Variants in AUTS2 observed in about 807,000 individuals in gnomAD.
The protein encoded by AUTS2 is autism susceptibility gene 2 protein.
A neutral mutation model predicts 112.4 loss-of-function variants in AUTS2; 17 were observed. The ratio of observed to expected loss-of-function variants is 0.15; its 90% CI spans 0.10 to 0.23. The LOEUF is 0.23. Ranked by LOEUF, AUTS2 falls within the 10% of genes least tolerant of loss-of-function variation. The pLI, the probability that AUTS2 is intolerant of heterozygous loss-of-function variation, is 1.00. For synonymous variants in AUTS2, 751 were observed against 702.7 expected, an observed-to-expected ratio of 1.07 and a Z score of -1.09; for missense variants, 1,510 against 1,701.6, an observed-to-expected ratio of 0.89 and a Z score of 1.98.
intron 4 of AUTS2, among the ~76,000 whole-genome samples, chr7:70,269,544 T>A (rs545851577): frequency 1.2e-4 from 19 of 152,212 alleles, no homozygotes; most frequent in Non-Finnish European, 2.2e-4. Flanking sequence ...TGAATGACTT[T>A]AAGCAAGTTA....
chr7:70,557,244 G>C (rs564581646), intron 5 of AUTS2, among the ~76,000 whole-genome samples: 1 of 152,150 alleles, frequency 6.6e-6, no homozygotes, highest in Non-Finnish European at 1.5e-5. Flanking sequence ...GCACAATTTT[G>C]TTCTTTTCCC....
rs1585463733 is a variant in AUTS2 at position 70,663,175 on chromosome 7, A to C, written c.691-35394A>C. Reference sequence around the variant, plus strand: ...TTTGGGAGGCCGAGGCAGGCGGATCACTTGAGGCCAGGAGTTTGAGACCAG... The same window carrying C: ...TTTGGGAGGCCGAGGCAGGCGGATCCCTTGAGGCCAGGAGTTTGAGACCAG... On this transcript the variant is annotated intron_variant, in intron 5 of 18. Transcript: ENST00000342771. Among the ~76,000 whole-genome samples, 3 of 152,276 alleles carry C rather than the reference A, an allele frequency of 2.0e-5. No individual in the cohort carries two copies. In the South Asian group the frequency reaches 6.2e-4, roughly 32 times the overall value.
rs564766019 is a variant in AUTS2, at chr7:70,720,333, T to C, written c.742+21713T>C. 8.5e-5 allele frequency among the ~76,000 whole-genome samples: 13 copies of C among 152,216 alleles called. No homozygotes were observed. In the East Asian group the frequency reaches 2.5e-3, roughly 29 times the overall value. ...GTACACCCGCTGCCTCGGGGAATAC[T>C]GTTAGGGTATGAGCATAAAGTTATC... On this transcript the variant is annotated intron_variant, in intron 6 of 18. Coordinates refer to ENST00000342771, the MANE Select transcript of AUTS2 (RefSeq NM_015570.4).
chr7:70,124,561 C>G (rs1805858121), intron 3 of AUTS2, among the ~76,000 whole-genome samples: 2 of 144,350 alleles, frequency 1.4e-5, no homozygotes, highest in Non-Finnish European at 3.1e-5. Flanking sequence ...CAGCTTCAAT[C>G]TTTTTTTTTT....
At position 70,362,975 on chromosome 7, in the gene AUTS2, A is replaced by G. The variant is rs114959125; in HGVS notation, c.661-72777A>G. On this transcript the variant is annotated intron_variant, in intron 4 of 18. Coordinates refer to ENST00000342771, the MANE Select transcript of AUTS2 (RefSeq NM_015570.4). ...ATTATCTCAATAACTCTGGAATGACATCAACCCCACTTAGAATTAAAGGAA... is the reference window on the plus strand; with the variant it reads ...ATTATCTCAATAACTCTGGAATGACGTCAACCCCACTTAGAATTAAAGGAA... Among the ~76,000 whole-genome samples, 1,083 of 152,330 alleles carry G rather than the reference A, an allele frequency of 7.1e-3. 12 individuals are homozygous for G. Among genetic ancestry groups the G allele is most frequent in the African/African-American group, 0.025 (1,034 of 41,574 alleles).
At chr7:70,741,122 G>A (rs1305858775) in intron 6 of AUTS2, among the ~76,000 whole-genome samples, 1 of 148,920 alleles carries the variant, frequency 6.7e-6, no homozygotes, top group Non-Finnish European at 1.5e-5. Context: ...AAAAAAAAAA[G>A]AAACTTTTCC....
rs1175288043 is a variant in AUTS2 at position 70,127,115 on chromosome 7, T to TGC, written c.625-7418_625-7417dup. 4.0e-5 allele frequency among the ~76,000 whole-genome samples: 6 copies of TGC among 150,704 alleles called. No individual in the cohort carries two copies. The East Asian group carries it at 1.2e-3, about 30-fold the overall frequency. ...GTGCTGGATTACAGGCATAAGACAC[T>TGC]GCGCCTGGCCTTGTTCGCACTTTCA... On this transcript the variant is annotated intron_variant, in intron 3 of 18. Transcript: ENST00000342771.
chr7:70,108,783 CAAAAAAAAAAAAA>C (rs528009205), intron 2 of AUTS2, among the ~76,000 whole-genome samples: 51 of 69,178 alleles, frequency 7.4e-4, no homozygotes, highest in Middle Eastern at 6.7e-3. Context: ...GCCAACATGG[CAAAAAAAAAAAAA>C]AAAAAAAAAA....
At chr7:69,719,871 A>C (rs1798824839) in intron 1 of AUTS2, among the ~76,000 whole-genome samples, 1 of 152,150 alleles carries the variant, frequency 6.6e-6, no homozygotes, top group Admixed American at 6.5e-5. Context: ...GTGGCATAGC[A>C]CAGGATAATT....
chr7:70,729,343 C>T, intron 6 of AUTS2: 1 of 299,640 alleles, frequency 3.3e-6, no homozygotes, highest in South Asian at 2.7e-5. Context: ...AATAGCCTGG[C>T]CTGTACCAGA....
chr7:70,759,935 A>T (rs1264551524), intron 6 of AUTS2, among the ~76,000 whole-genome samples: 2 of 152,138 alleles, frequency 1.3e-5, no homozygotes, highest in Non-Finnish European at 2.9e-5. Context: ...TTGAATGTAT[A>T]CTTACCAAGA....
chr7:70,566,951 G>A (rs1801734585), intron 5 of AUTS2, among the ~76,000 whole-genome samples: 1 of 152,212 alleles, frequency 6.6e-6, no homozygotes, highest in African/African-American at 2.4e-5. Context: ...TGAACTGCAT[G>A]TGCCTGAGGC....
intron 4 of AUTS2, among the ~76,000 whole-genome samples, chr7:70,215,601 G>T (rs1811127521): frequency 6.6e-6 from 1 of 152,172 alleles, no homozygotes; most frequent in Non-Finnish European, 1.5e-5. Flanking sequence ...TAACTTAGTT[G>T]GCAGTGGGAA....
chr7:70,092,748 A>G (rs1441212820), intron 2 of AUTS2, among the ~76,000 whole-genome samples: 1 of 152,170 alleles, frequency 6.6e-6, no homozygotes, highest in Non-Finnish European at 1.5e-5. Context: ...CAGCTTTTTA[A>G]TGGGCCAGCA....
rs181831155 is a variant in AUTS2 at position 69,840,322 on chromosome 7, C to T, written c.310-58964C>T. Among the ~76,000 whole-genome samples the T allele has an allele frequency of 1.4e-3, 206 of 152,296 alleles. 2 individuals carry two copies. The highest frequency in any genetic ancestry group is 0.01 in the Admixed American group (155 of 15,288). On this transcript the variant is annotated intron_variant, in intron 1 of 18. Transcript: ENST00000342771. The stretch of plus-strand genomic sequence containing the variant: ...AGCTCTGAAACAAAATTAAGATTCT[C>T]GTCAAGGCTTGAGCTTATTAATAGC...
chr7:70,490,091 A>G (rs996420981), intron 5 of AUTS2, among the ~76,000 whole-genome samples: 1 of 151,976 alleles, frequency 6.6e-6, no homozygotes, highest in Non-Finnish European at 1.5e-5. Context: ...AAGGTCTAAA[A>G]TAAATCAAAA....
At chr7:70,303,821 A>G (rs537188885) in intron 4 of AUTS2, among the ~76,000 whole-genome samples, 27 of 152,114 alleles carry the variant, frequency 1.8e-4, no homozygotes, top group Non-Finnish European at 2.8e-4. Flanking sequence ...GAACTACAAA[A>G]ACATAGTTTT....
chr7:70,066,185 T>C (rs1294549270), intron 2 of AUTS2, among the ~76,000 whole-genome samples: 2 of 152,226 alleles, frequency 1.3e-5, no homozygotes, highest in Non-Finnish European at 2.9e-5. Flanking sequence ...CAATATCTTA[T>C]AAATTTTTAT....
chr7:70,276,922 A>G (rs563720730), intron 4 of AUTS2, among the ~76,000 whole-genome samples: 3 of 152,330 alleles, frequency 2.0e-5, no homozygotes, highest in African/African-American at 7.2e-5. Context: ...TTCAAAAGAT[A>G]GTTAAGATTG....
Sources: allele counts gnomAD v4.1 joint callset (sites outside exome capture counted in the v4.1 genomes callset), GRCh38; gene constraint gnomAD v4.1.1; transcripts MANE v1.5; gene names NCBI Gene and HGNC (gene_info 2026-07-23, HGNC 2026-07-21).